The following ST6GALNAC2 variants were observed in gnomAD, a reference collection of about 807,000 sequenced individuals.
ST6GALNAC2 encodes the protein ST6 N-acetylgalactosaminide alpha-2,6-sialyltransferase 2, also known as alpha-N-acetylgalactosaminide alpha-2,6-sialyltransferase 2.
A neutral mutation model predicts 38.7 loss-of-function variants in ST6GALNAC2; 42 were observed. The observed-to-expected ratio is 1.09, with a 90% CI of 0.85 to 1.40. The LOEUF (loss-of-function observed/expected upper bound fraction) is 1.40. Among genes scored for constraint, ST6GALNAC2 ranks in the 40% most tolerant of loss-of-function variants. ST6GALNAC2 has a pLI of 0.00. For synonymous variants in ST6GALNAC2, 233 were observed against 209.0 expected (o/e 1.11, Z -0.99); for missense variants, 506 against 481.7 (o/e 1.05, Z -0.47).
chr17:76,582,065 C>A (rs968098249), intron 1 of ST6GALNAC2, among the ~76,000 whole-genome samples: 56 of 151,406 alleles, frequency 3.7e-4, no homozygotes, highest in African/African-American at 1.3e-3. Flanking sequence ...ACGAGTTTCA[C>A]CATGTTGGCC....
intron 1 of ST6GALNAC2, among the ~76,000 whole-genome samples, chr17:76,583,033 A>G (rs1250162698): frequency 6.6e-6 from 1 of 152,220 alleles, no homozygotes; most frequent in Non-Finnish European, 1.5e-5. Context: ...TTCATACTTA[A>G]AGTCTATTAG....
intron 4 of ST6GALNAC2, 134 bp from the exon 5 acceptor site, chr17:76,572,909 C>A (rs193229780): frequency 1.7e-6 from 2 of 1,150,054 alleles, no homozygotes; most frequent in East Asian, 4.7e-5. Flanking sequence ...AGTACCAGTG[C>A]CCAGTTGTCA....
chr17:76,573,328 CTG>C lies in ST6GALNAC2; in HGVS notation c.395_396del (p.Ser132Ter). On this transcript the variant is annotated frameshift_variant, in exon 4 of 9. Coordinates refer to ENST00000225276, the MANE Select transcript of ST6GALNAC2 (RefSeq NM_006456.3). LOFTEE classifies it high-confidence loss of function. The surrounding 1 kb of genome is among the most constrained non-coding windows in gnomAD (Gnocchi z 5.1). ...GGCGGGGCAAACAGCTTGGCACTCT[CTG>C]AGCCGTTCAGAAGGCTCAGGGTGGA... The part of the protein sequence containing the change: ...IASTLSLLNG[S>X]ESAKLFAPPR... 6.3e-7 allele frequency: 1 copy of C among 1,577,360 alleles called. No homozygotes were observed. Among genetic ancestry groups the C allele is most frequent in the African/African-American group, 1.3e-5 (1 of 74,442 alleles).
In ST6GALNAC2 at chr17:76,573,133, A is replaced by G; in HGVS notation, c.530+62T>C. The G allele has an allele frequency of 6.6e-7, 1 of 1,503,858 alleles. No homozygotes were observed. The highest frequency in any genetic ancestry group is 9.0e-7 in the Non-Finnish European group (1 of 1,110,574). The allele number at this position is 1,503,858 out of a possible 1,614,324, so 93.2% of individuals were successfully genotyped here. On this transcript the variant is annotated intron_variant, in intron 4 of 8. Coordinates refer to ENST00000225276, the MANE Select transcript of ST6GALNAC2 (RefSeq NM_006456.3). The surrounding 1 kb of genome is among the most constrained non-coding windows in gnomAD (Gnocchi z 5.1). Reference sequence around the variant, plus strand: ...TGCCATAGCCCACTGCCCCTGGGGGAGACACCCCCACCCTCCAGGCAACTC... The same window carrying G: ...TGCCATAGCCCACTGCCCCTGGGGGGGACACCCCCACCCTCCAGGCAACTC...
intron 8 of ST6GALNAC2, among the ~76,000 whole-genome samples, 192 bp from the exon 9 acceptor site, chr17:76,566,463 G>A (rs1175336007): frequency 1.3e-5 from 2 of 152,178 alleles, no homozygotes; most frequent in Non-Finnish European, 2.9e-5. Context: ...GGCATAGCTG[G>A]TGATTGCCAG....
At chr17:76,571,922 A>G (rs1048193495) in intron 5 of ST6GALNAC2, among the ~76,000 whole-genome samples, 2 of 152,182 alleles carry the variant, frequency 1.3e-5, no homozygotes, top group African/African-American at 4.8e-5. Flanking sequence ...CACCTGGGAC[A>G]CGTCCCTCAG....
rs2075327421 is a variant in ST6GALNAC2 at position 76,569,460 on chromosome 17, C to T, written c.774-664G>A. ...GGACCTGAGGACTGGGGTTCAGGGA[C>T]GAAGTCCGGGAAGAGGGCTGTGAGG... On this transcript the variant is annotated intron_variant, in intron 6 of 8. Transcript: ENST00000225276. 9 of 185,518 alleles carry T rather than the reference C, an allele frequency of 4.9e-5. No homozygotes were observed. The South Asian group carries it at 8.7e-4, about 18-fold the overall frequency. 11.5% of individuals were successfully genotyped at this position (185,518 alleles called of 1,614,324 possible). A position where few individuals can be genotyped will look rare whatever the true frequency, so the allele number is the denominator to read the frequency against.
At chr17:76,574,134 G>A (rs1350102045) in intron 3 of ST6GALNAC2, among the ~76,000 whole-genome samples, 1 of 152,172 alleles carries the variant, frequency 6.6e-6, no homozygotes, top group African/African-American at 2.4e-5. Flanking sequence ...GCCCCAGGAT[G>A]GTGAGGCCCA....
intron 6 of ST6GALNAC2, chr17:76,569,554 G>A: frequency 2.5e-6 from 1 of 395,764 alleles, no homozygotes; most frequent in Non-Finnish European, 4.4e-6. Flanking sequence ...GGAAGGGGCA[G>A]GCTGCTGGCC....
At chr17:76,579,066 TGCGCCACCAC>T in intron 1 of ST6GALNAC2, 1 of 270,786 alleles carries the variant, frequency 3.7e-6, no homozygotes, top group South Asian at 6.2e-5. Flanking sequence ...ATTACAGGCA[TGCGCCACCAC>T]ACCCAGCTAA....
At chr17:76,577,473 G>C (rs1318418148) in intron 2 of ST6GALNAC2, among the ~76,000 whole-genome samples, 1 of 152,102 alleles carries the variant, frequency 6.6e-6, no homozygotes, top group Admixed American at 6.6e-5. Context: ...GCTCAAGGTG[G>C]AAAAGAGTTT....
At chr17:76,581,919 A>G (rs1037286058) in intron 1 of ST6GALNAC2, among the ~76,000 whole-genome samples, 8 of 152,060 alleles carry the variant, frequency 5.3e-5, no homozygotes, top group Middle Eastern at 3.4e-3. Context: ...AGGCTGGAGT[A>G]GTACAGTGGT....
chr17:76,584,246 G>T (rs571716844), intron 1 of ST6GALNAC2, among the ~76,000 whole-genome samples: 1 of 146,186 alleles, frequency 6.8e-6, no homozygotes, highest in Non-Finnish European at 1.5e-5. Context: ...AGGCTGGAGT[G>T]CAGTGGCGCG....
chr17:76,583,961 C>G (rs1402171191), intron 1 of ST6GALNAC2, among the ~76,000 whole-genome samples: 1 of 147,880 alleles, frequency 6.8e-6, no homozygotes, highest in Non-Finnish European at 1.5e-5. Context: ...GTGCCCGCCA[C>G]CACGCCCAGC....
intron 8 of ST6GALNAC2, 50 bp downstream of exon 8, chr17:76,567,403 G>C: frequency 7.3e-7 from 1 of 1,365,430 alleles, no homozygotes; most frequent in Non-Finnish European, 1.0e-6. Context: ...GTTGGGTTCT[G>C]TTATCCTGTG....
chr17:76,573,227 A>G lies in ST6GALNAC2; in HGVS notation c.498T>C (p.Gly166=). 4.3e-6 allele frequency: 7 copies of G among 1,611,968 alleles called. No homozygotes were observed. The highest frequency in any genetic ancestry group is 4.2e-6 in the Non-Finnish European group (5 of 1,179,118). Residue 166 remains glycine, a synonymous_variant, in exon 4 of 9, where the codon GGT becomes GGC. Transcript: ENST00000225276. This position sits in a 1 kb window ranked among gnomAD's most constrained non-coding sequence, Gnocchi z 5.1. ...NGGILNGSRQ[G]PNIDAHDYVF... is the part of the protein sequence containing the mutation. ...CATAGTCATGGGCATCGATGTTGGGACCCTGGCGGGACCCATTCAGAATGC... is the reference window on the plus strand; with the variant it reads ...CATAGTCATGGGCATCGATGTTGGGGCCCTGGCGGGACCCATTCAGAATGC...
In ST6GALNAC2 at chr17:76,566,070, C is replaced by T; in HGVS notation, c.*34G>A. 2 of 1,591,672 alleles carry T rather than the reference C, an allele frequency of 1.3e-6. No homozygotes were observed. The highest frequency in any genetic ancestry group is 1.4e-5 in the African/African-American group (1 of 73,912). ...CCACTTGAGAGGATCAGGGCCGCAA[C>T]TCTTGAAGAAGCAAAGGGCTCAGTG... is the stretch of plus-strand genomic sequence containing the variant. On this transcript the variant is annotated 3_prime_UTR_variant, in exon 9 of 9. Coordinates refer to ENST00000225276, the MANE Select transcript of ST6GALNAC2 (RefSeq NM_006456.3).
At position 76,573,919 on chromosome 17, in the gene ST6GALNAC2, C is replaced by T. The variant is rs893859080; in HGVS notation, c.361+446G>A. Among the ~76,000 whole-genome samples the T allele has an allele frequency of 3.3e-5, 5 of 151,984 alleles. No homozygotes were observed. The highest frequency in any genetic ancestry group is 2.6e-4 in the Admixed American group (4 of 15,262). On this transcript the variant is annotated intron_variant, in intron 3 of 8. Transcript: ENST00000225276. The surrounding 1 kb of genome is among the most constrained non-coding windows in gnomAD (Gnocchi z 5.1). Reference sequence around the variant, plus strand: ...CCAGCCTGAGTGACAGAGCGAGACTCCATCTCAAAAATAAAAAAGACTGTA... The same window carrying T: ...CCAGCCTGAGTGACAGAGCGAGACTTCATCTCAAAAATAAAAAAGACTGTA...
In ST6GALNAC2 at chr17:76,572,733, G is replaced by T; in HGVS notation, c.573C>A (p.Gly191=). 12 of 1,614,176 alleles carry T rather than the reference G, an allele frequency of 7.4e-6. No homozygotes were observed. The highest frequency in any genetic ancestry group is 1.0e-5 in the Non-Finnish European group (12 of 1,180,024). ...AVIKGFERDV[G]TKTSFYGFTV... ...TGAAACCATAGAAGGAAGTCTTGGT[G>T]CCCACATCGCGCTCGAAGCCTTTGA... The change falls in exon 5 of 9, where the codon GGC becomes GGA. Residue 191 remains glycine (G), a synonymous_variant. Coordinates refer to ENST00000225276, the MANE Select transcript of ST6GALNAC2 (RefSeq NM_006456.3).
Sources: allele counts gnomAD v4.1 joint callset (sites outside exome capture counted in the v4.1 genomes callset), GRCh38; gene constraint gnomAD v4.1.1; non-coding constraint Gnocchi (gnomAD v3.1); transcripts MANE v1.5; gene names NCBI Gene and HGNC (gene_info 2026-07-23, HGNC 2026-07-21).